The following NRG1 variants were observed in gnomAD, a reference collection of about 807,000 sequenced individuals.
The protein encoded by NRG1 is neuregulin 1, also known as pro-neuregulin-1, membrane-bound isoform.
A neutral mutation model predicts 63.8 loss-of-function variants in NRG1; 18 were observed. That is an observed-to-expected ratio of 0.28 (90% CI 0.19 to 0.42). The LOEUF (loss-of-function observed/expected upper bound fraction) is 0.42, where lower values mean the gene tolerates loss of function less well. Ranked by LOEUF, NRG1 falls within the 10% of genes least tolerant of loss-of-function variation. The pLI, the probability that NRG1 is intolerant of heterozygous loss-of-function variation, is 1.00. For synonymous variants in NRG1, 302 were observed against 301.3 expected, an observed-to-expected ratio of 1.00 and a Z score of -0.02; for missense variants, 762 against 814.7, an observed-to-expected ratio of 0.94 and a Z score of 0.79.
chr8:32,653,786 C>T (rs185741076), intron 5 of NRG1, among the ~76,000 whole-genome samples: 139 of 152,142 alleles, frequency 9.1e-4, no homozygotes, highest in African/African-American at 3.1e-3. Context: ...TTTCACTGTA[C>T]GGACAAAGAC....
chr8:32,738,417 T>C (rs1203822239), intron 6 of NRG1, among the ~76,000 whole-genome samples: 3 of 113,838 alleles, frequency 2.6e-5, no homozygotes, highest in African/African-American at 8.9e-5. Context: ...AAACGAATGG[T>C]ATATACATAC....
At chr8:32,744,001 G>A (rs1826974291) in intron 7 of NRG1, among the ~76,000 whole-genome samples, 1 of 151,998 alleles carries the variant, frequency 6.6e-6, no homozygotes, top group African/African-American at 2.4e-5. Context: ...AGCAGACAGT[G>A]GGCTGGATTT....
chr8:32,005,229 T>C (rs184913921), intron 1 of NRG1, among the ~76,000 whole-genome samples: 2 of 151,746 alleles, frequency 1.3e-5, no homozygotes, highest in East Asian at 3.9e-4. Flanking sequence ...TTGTGTGAGT[T>C]AAGGGGAAGG....
chr8:32,277,932 C>T (rs1220689341), intron 1 of NRG1, among the ~76,000 whole-genome samples: 1 of 152,232 alleles, frequency 6.6e-6, no homozygotes, highest in Non-Finnish European at 1.5e-5. Context: ...AGCCATGCTT[C>T]CCACAGGCTG....
intron 1 of NRG1, among the ~76,000 whole-genome samples, chr8:31,764,061 G>A (rs1817820747): frequency 6.6e-6 from 1 of 151,166 alleles, no homozygotes; most frequent in East Asian, 1.9e-4. Flanking sequence ...AGAAGATAAA[G>A]GATGGAGATA....
intron 1 of NRG1, among the ~76,000 whole-genome samples, chr8:32,451,388 G>C (rs1820922684): frequency 6.6e-6 from 1 of 152,138 alleles, no homozygotes; most frequent in African/African-American, 2.4e-5. Flanking sequence ...GGCAAAACAG[G>C]GCAATGAGAA....
intron 1 of NRG1, among the ~76,000 whole-genome samples, chr8:31,735,231 A>T (rs1336830749): frequency 6.6e-6 from 1 of 151,882 alleles, no homozygotes; most frequent in Non-Finnish European, 1.5e-5. Context: ...TCCTAAAACA[A>T]TTTTTTCTAA....
At chr8:32,019,109 T>A (rs932989748) in intron 1 of NRG1, among the ~76,000 whole-genome samples, 2 of 152,138 alleles carry the variant, frequency 1.3e-5, no homozygotes, top group Non-Finnish European at 2.9e-5. Flanking sequence ...GGAGTTCTGT[T>A]TTTTTTTGAG....
At chr8:32,715,250 C>T (rs1259196185) in intron 5 of NRG1, among the ~76,000 whole-genome samples, 1 of 152,126 alleles carries the variant, frequency 6.6e-6, no homozygotes. Context: ...CAACTACACC[C>T]AACTGGATTG....
At chr8:32,478,838 C>T (rs555913599) in intron 1 of NRG1, among the ~76,000 whole-genome samples, 19 of 152,276 alleles carry the variant, frequency 1.2e-4, no homozygotes, top group African/African-American at 3.1e-4. Context: ...TTTCATTTGA[C>T]GCCCACAAGC....
intron 1 of NRG1, among the ~76,000 whole-genome samples, chr8:31,886,288 T>G (rs1370784003): frequency 6.6e-6 from 1 of 152,118 alleles, no homozygotes; most frequent in Non-Finnish European, 1.5e-5. Flanking sequence ...TGTAGAAATG[T>G]AGAAGGAAGC....
chr8:32,106,700 T>C (rs769389549), intron 1 of NRG1, among the ~76,000 whole-genome samples: 29 of 152,168 alleles, frequency 1.9e-4, no homozygotes, highest in Non-Finnish European at 3.5e-4. Flanking sequence ...AAGGAAAGAC[T>C]AGAACTAATG....
At chr8:32,039,306 C>A (rs911157015) in intron 1 of NRG1, among the ~76,000 whole-genome samples, 2 of 152,144 alleles carry the variant, frequency 1.3e-5, no homozygotes, top group Non-Finnish European at 2.9e-5. Flanking sequence ...TGTTAGCCTG[C>A]GATTGTTATT....
At chr8:32,399,801 T>C (rs763401902) in intron 1 of NRG1, among the ~76,000 whole-genome samples, 17 of 152,228 alleles carry the variant, frequency 1.1e-4, no homozygotes, top group Non-Finnish European at 2.2e-4. Context: ...TATCAGGTAT[T>C]ATAGGGTATA....
At chr8:32,202,333 G>A (rs1181780784) in intron 1 of NRG1, among the ~76,000 whole-genome samples, 2 of 152,124 alleles carry the variant, frequency 1.3e-5, no homozygotes, top group Non-Finnish European at 2.9e-5. Context: ...GGGGTGTCTT[G>A]TTTATTTGGC....
chr8:32,047,269 A>G (rs554600492), intron 1 of NRG1, among the ~76,000 whole-genome samples: 37 of 152,174 alleles, frequency 2.4e-4, no homozygotes, highest in Admixed American at 3.9e-4. Context: ...AAAGGGATCA[A>G]TGTTCTCATC....
chr8:31,807,128 G>C (rs931426152), intron 1 of NRG1, among the ~76,000 whole-genome samples: 1 of 152,160 alleles, frequency 6.6e-6, no homozygotes, highest in Non-Finnish European at 1.5e-5. Flanking sequence ...GCTTCCCTTG[G>C]GAAATAGGAA....
At chr8:32,412,443 T>C (rs960816226) in intron 1 of NRG1, among the ~76,000 whole-genome samples, 2,694 of 54,324 alleles carry the variant, frequency 0.05, 80 homozygotes, top group South Asian at 0.12. Flanking sequence ...TATATATATA[T>C]ATATATATAC....
At chr8:32,729,585 G>T (rs187090729) in intron 6 of NRG1, among the ~76,000 whole-genome samples, 52 of 152,270 alleles carry the variant, frequency 3.4e-4, no homozygotes, top group Non-Finnish European at 6.5e-4. Flanking sequence ...TGTTAGAGAG[G>T]CAATTGAACT....
Sources: gnomAD v4.1 joint callset for allele counts (sites outside exome capture counted in the v4.1 genomes callset) on GRCh38, gnomAD v4.1.1 for gene constraint, MANE v1.5 for transcripts, NCBI Gene and HGNC (gene_info 2026-07-23, HGNC 2026-07-21) for gene names.